The following ADAMTS6 variants were observed in gnomAD, a reference collection of about 807,000 sequenced individuals.
ADAMTS6 encodes A disintegrin and metalloproteinase with thrombospondin motifs 6.
A neutral mutation model predicts 144.3 loss-of-function variants in ADAMTS6; 23 were observed. The observed-to-expected ratio is 0.16, with a 90% CI of 0.11 to 0.23. ADAMTS6 has a LOEUF of 0.23. Among genes scored for constraint, ADAMTS6 ranks in the 10% least tolerant of loss-of-function variants. The probability of loss-of-function intolerance (pLI) is 1.00; values close to 1 mark genes in which losing one functional copy is unlikely to be tolerated. For synonymous variants in ADAMTS6, 444 were observed against 457.5 expected (o/e 0.97, Z 0.38); for missense variants, 999 against 1,379.6 (o/e 0.72, Z 4.37).
chr5:65,330,021 AT>A (rs774849349), intron 8 of ADAMTS6, among the ~76,000 whole-genome samples: 24 of 151,876 alleles, frequency 1.6e-4, no homozygotes, highest in Non-Finnish European at 2.5e-4. Flanking sequence ...AGGTTTTTGC[AT>A]TTTTTTTAAT....
chr5:65,461,344 A>G (rs993585774), intron 3 of ADAMTS6, among the ~76,000 whole-genome samples: 2 of 152,212 alleles, frequency 1.3e-5, no homozygotes, highest in Non-Finnish European at 2.9e-5. Context: ...CAATTAGATA[A>G]TTTGCTTTTT....
At chr5:65,360,975 A>G (rs1749774312) in intron 7 of ADAMTS6, among the ~76,000 whole-genome samples, 1 of 152,146 alleles carries the variant, frequency 6.6e-6, no homozygotes, top group Admixed American at 6.5e-5. Flanking sequence ...TCTCTTTATC[A>G]CGTCAGGTCT....
rs1024187668 is a variant in ADAMTS6, at chr5:65,151,830, T to A, written c.*6A>T. 1 of 1,606,294 alleles carries A rather than the reference T, an allele frequency of 6.2e-7. No individual in the cohort carries two copies. The highest frequency in any genetic ancestry group is 1.1e-5 in the South Asian group (1 of 90,656). On this transcript the variant is annotated 3_prime_UTR_variant, in exon 25 of 25. Transcript: ENST00000381055. Reference sequence around the variant, plus strand: ...TGACAAGGCACTCTCTCTGGCTTTCTGTGGGTCAGTGTCCTTGGCAGGTCT... The same window carrying A: ...TGACAAGGCACTCTCTCTGGCTTTCAGTGGGTCAGTGTCCTTGGCAGGTCT...
intron 13 of ADAMTS6, 76 bp downstream of exon 13, chr5:65,262,741 T>A (rs1761306261): frequency 7.0e-7 from 1 of 1,418,710 alleles, no homozygotes; most frequent in South Asian, 1.6e-5. Context: ...TTTTTACAGA[T>A]AACATGTGAA....
chr5:65,361,109 CAA>C (rs1749788813), intron 7 of ADAMTS6, among the ~76,000 whole-genome samples: 1 of 152,002 alleles, frequency 6.6e-6, no homozygotes, highest in Non-Finnish European at 1.5e-5. Context: ...TTTAGCAGGC[CAA>C]CTGAATATGA....
At chr5:65,267,709 A>C (rs1400828228) in intron 12 of ADAMTS6, among the ~76,000 whole-genome samples, 2 of 152,184 alleles carry the variant, frequency 1.3e-5, no homozygotes, top group African/African-American at 2.4e-5. Flanking sequence ...CAGTATTTAA[A>C]AAAAATTTTT....
intron 7 of ADAMTS6, among the ~76,000 whole-genome samples, chr5:65,413,295 A>C (rs188948390): frequency 2.6e-5 from 4 of 152,310 alleles, no homozygotes; most frequent in Non-Finnish European, 5.9e-5. Context: ...AAAACTTGGC[A>C]TGATACCTAC....
intron 7 of ADAMTS6, among the ~76,000 whole-genome samples, chr5:65,365,933 A>G (rs1205932066): frequency 6.6e-6 from 1 of 152,082 alleles, no homozygotes; most frequent in Non-Finnish European, 1.5e-5. Flanking sequence ...GGAAATGAGC[A>G]TTTATTTCTA....
intron 2 of ADAMTS6, 28 bp from the exon 3 acceptor site, chr5:65,471,170 G>GA (rs202219468): frequency 1.0e-4 from 159 of 1,542,434 alleles, no homozygotes; most frequent in East Asian, 4.1e-4. Flanking sequence ...AGAGAATCCA[G>GA]AAAAAAAACA....
intron 7 of ADAMTS6, among the ~76,000 whole-genome samples, chr5:65,398,796 G>GAAAGA (rs1554083188): frequency 0.022 from 1,848 of 84,028 alleles, 76 homozygotes; most frequent in South Asian, 0.046. Flanking sequence ...AAGAAAGAAA[G>GAAAGA]AAAGAAAGAA....
intron 3 of ADAMTS6, among the ~76,000 whole-genome samples, chr5:65,461,206 C>A (rs1407256115): frequency 1.3e-5 from 2 of 152,214 alleles, no homozygotes; most frequent in African/African-American, 4.8e-5. Flanking sequence ...TCACCCTCCA[C>A]TGAGCTCCAA....
At chr5:65,330,654 C>T (rs1050109419) in intron 8 of ADAMTS6, among the ~76,000 whole-genome samples, 4 of 152,068 alleles carry the variant, frequency 2.6e-5, no homozygotes, top group Non-Finnish European at 4.4e-5. Context: ...AGTTGTGTTT[C>T]TCTGTATTTT....
chr5:65,206,863 CACA>C (rs1756138709), intron 20 of ADAMTS6, among the ~76,000 whole-genome samples: 1 of 144,318 alleles, frequency 6.9e-6, no homozygotes, highest in Non-Finnish European at 1.5e-5. Context: ...CACACACACA[CACA>C]CAAATACACA....
At chr5:65,376,370 G>C (rs1751545794) in intron 7 of ADAMTS6, among the ~76,000 whole-genome samples, 1 of 152,110 alleles carries the variant, frequency 6.6e-6, no homozygotes, top group South Asian at 2.1e-4. Context: ...AGAATAGCTT[G>C]AACCCAGGAG....
intron 7 of ADAMTS6, among the ~76,000 whole-genome samples, chr5:65,430,493 G>A (rs1756910611): frequency 6.6e-6 from 1 of 152,076 alleles, no homozygotes; most frequent in Non-Finnish European, 1.5e-5. Flanking sequence ...GGACACTACT[G>A]GATTATTCTT....
At chr5:65,235,111 T>C (rs1056740608) in intron 15 of ADAMTS6, among the ~76,000 whole-genome samples, 21 of 152,162 alleles carry the variant, frequency 1.4e-4, no homozygotes, top group African/African-American at 4.8e-4. Flanking sequence ...GTACAAGCTT[T>C]CAGTTATAAG....
chr5:65,269,341 C>A (rs1761879896), intron 12 of ADAMTS6, among the ~76,000 whole-genome samples: 1 of 152,134 alleles, frequency 6.6e-6, no homozygotes. Context: ...GTCACACAAT[C>A]ATATATGCTT....
intron 11 of ADAMTS6, among the ~76,000 whole-genome samples, chr5:65,285,328 A>C (rs1763279521): frequency 6.6e-6 from 1 of 152,078 alleles, no homozygotes; most frequent in African/African-American, 2.4e-5. Flanking sequence ...CTTCAAATAC[A>C]CAGGCTCTCG....
chr5:65,327,924 C>A (rs933257392), intron 9 of ADAMTS6, among the ~76,000 whole-genome samples: 2 of 152,078 alleles, frequency 1.3e-5, no homozygotes, highest in African/African-American at 2.4e-5. Context: ...CTAACAGAAC[C>A]TAATAAATTC....
Sources: gnomAD v4.1 joint callset for allele counts (sites outside exome capture counted in the v4.1 genomes callset) on GRCh38, gnomAD v4.1.1 for gene constraint, MANE v1.5 for transcripts, NCBI Gene and HGNC (gene_info 2026-07-23, HGNC 2026-07-21) for gene names.